The following HNRNPUL2 variants were observed in gnomAD, a reference collection of about 807,000 sequenced individuals.
HNRNPUL2 encodes heterogeneous nuclear ribonucleoprotein U like 2, also known as heterogeneous nuclear ribonucleoprotein U-like protein 2.
Under a neutral mutation model 102.2 loss-of-function variants are expected in HNRNPUL2, and 27 were observed. The observed-to-expected ratio is 0.26, with a 90% CI of 0.19 to 0.36. HNRNPUL2 has a LOEUF of 0.36. Among genes scored for constraint, HNRNPUL2 ranks in the 10% least tolerant of loss-of-function variants. The pLI is 1.00. For missense variants in HNRNPUL2, 936 were observed against 981.1 expected, an observed-to-expected ratio of 0.95 and a Z score of 0.61; for synonymous variants, 458 against 387.2, an observed-to-expected ratio of 1.18 and a Z score of -2.15.
At chr11:62,720,546 C>CAAA (rs148876571) in intron 9 of HNRNPUL2, among the ~76,000 whole-genome samples, 15 of 131,592 alleles carry the variant, frequency 1.1e-4, no homozygotes, top group South Asian at 2.4e-4. Flanking sequence ...GATTCCATCT[C>CAAA]AAAAAAAAAA....
chr11:62,724,312 C>T lies in HNRNPUL2; in HGVS notation c.653G>A (p.Arg218Gln). 10 of 1,614,202 alleles carry T rather than the reference C, an allele frequency of 6.2e-6. No individual in the cohort carries two copies. The highest frequency in any genetic ancestry group is 1.1e-5 in the South Asian group (1 of 91,082). Reference sequence around the variant, plus strand: ...TCACCGGCTGTGGTAAGCCTCCTCTCGGAATTCATAGTAAGCTCGGCCATG... The same window carrying T: ...TCACCGGCTGTGGTAAGCCTCCTCTTGGAATTCATAGTAAGCTCGGCCATG... ...DEHGRAYYEF[R>Q]EEAYHSRSKS... The change falls in exon 2 of 14, where the codon CGA becomes CAA. Residue 218 changes from arginine to glutamine, a missense_variant. Transcript: ENST00000301785.
At position 62,713,439 on chromosome 11, in the gene HNRNPUL2, T is replaced by A. The variant is rs1038045437; in HGVS notation, c.*1860A>T. 1.3e-5 allele frequency: 2 copies of A among 152,160 alleles called. No homozygotes were observed. The highest frequency in any genetic ancestry group is 2.9e-5 in the Non-Finnish European group (2 of 68,040). The allele number at this position is 152,160 out of a possible 1,614,324, so 9.4% of individuals were successfully genotyped here. On this transcript the variant is annotated 3_prime_UTR_variant, in exon 14 of 14. Coordinates refer to ENST00000301785, the MANE Select transcript of HNRNPUL2 (RefSeq NM_001079559.3). ...ACAAAGTTAATGTGTTACAGAAAAA[T>A]TCATGCAATCACTCCACTGCCACAC...
chr11:62,719,949 A>C (rs528317201), intron 10 of HNRNPUL2, 74 bp downstream of exon 10: 2 of 1,386,050 alleles, frequency 1.4e-6, no homozygotes, highest in Non-Finnish European at 2.0e-6. Context: ...GAGGGAAATA[A>C]ACCTCTATTA....
rs1174220572 is a variant in HNRNPUL2 at position 62,727,286 on chromosome 11, G to A, written c.-130C>T. On this transcript the variant is annotated 5_prime_UTR_variant, in exon 1 of 14. Transcript: ENST00000301785. ...GCCAGCACTGAGCCCGCGCGAGCGA[G>A]CGCACGCACGCAGGAGCGGAGGCCG... 4 of 1,144,722 alleles carry A rather than the reference G, an allele frequency of 3.5e-6. No individual in the cohort carries two copies. Among genetic ancestry groups the A allele is most frequent in the South Asian group, 3.8e-5 (1 of 26,214 alleles). 70.9% of individuals were successfully genotyped at this position (1,144,722 alleles called of 1,614,324 possible).
rs2083642750 is a variant in HNRNPUL2 at position 62,714,389 on chromosome 11, T to A, written c.*910A>T. ...TCTCGCACTGTAAGAGGACAGACAC[T>A]CTAACAGGGATGATTTCAGAGACCT... On this transcript the variant is annotated 3_prime_UTR_variant, in exon 14 of 14. Coordinates refer to ENST00000301785, the MANE Select transcript of HNRNPUL2 (RefSeq NM_001079559.3). 6.6e-6 allele frequency: 1 copy of A among 152,022 alleles called. No homozygotes were observed. The highest frequency in any genetic ancestry group is 2.4e-5 in the African/African-American group (1 of 41,360). The allele number at this position is 152,022 out of a possible 1,614,324, so 9.4% of individuals were successfully genotyped here. A position where few individuals can be genotyped will look rare whatever the true frequency, so the allele number is the denominator to read the frequency against.
Position 62,715,215 on chromosome 11 carries a change from G to A in HNRNPUL2, c.*84C>T. 1 of 524,592 alleles carries A rather than the reference G, an allele frequency of 1.9e-6. No individual in the cohort carries two copies. Among genetic ancestry groups the A allele is most frequent in the South Asian group, 2.7e-5 (1 of 37,548 alleles). The allele number at this position is 524,592 out of a possible 1,614,324, so 32.5% of individuals were successfully genotyped here. A position where few individuals can be genotyped will look rare whatever the true frequency, so the allele number is the denominator to read the frequency against. ...GCTCAGCCCCACCCCGACAGCCCCT[G>A]TTTTCCTTGGTTGTGTTTTGCGGGG... On this transcript the variant is annotated 3_prime_UTR_variant, in exon 14 of 14. Coordinates refer to ENST00000301785, the MANE Select transcript of HNRNPUL2 (RefSeq NM_001079559.3).
Position 62,726,912 on chromosome 11 carries a change from T to C in HNRNPUL2, c.245A>G (p.Glu82Gly). Residue 82 changes from glutamate to glycine, a missense_variant, in exon 1 of 14, where the codon GAG (glutamate) becomes GGG (glycine). Glu to Gly is a moderately conservative substitution (Grantham distance 98, BLOSUM62 -2). Coordinates refer to ENST00000301785, the MANE Select transcript of HNRNPUL2 (RefSeq NM_001079559.3). ...GGDEEEDEEE[E>G]EEDEEALLED... The stretch of plus-strand genomic sequence containing the variant: ...AAGCAGCGCCTCCTCGTCCTCCTCC[T>C]CCTCCTCTTCGTCCTCCTCCTCGTC... The C allele has an allele frequency of 6.5e-7, 1 of 1,539,596 alleles. No individual in the cohort carries two copies. The highest frequency in any genetic ancestry group is 2.5e-5 in the East Asian group (1 of 39,506).
intron 10 of HNRNPUL2, among the ~76,000 whole-genome samples, chr11:62,719,541 T>C (rs1241748126): frequency 6.6e-6 from 1 of 152,200 alleles, no homozygotes; most frequent in Non-Finnish European, 1.5e-5. Context: ...TCACGACCAT[T>C]AAGTTCCTCT....
At position 62,715,644 on chromosome 11, in the gene HNRNPUL2, G is replaced by C. The variant is rs1371141994; in HGVS notation, c.2056-37C>G. Reference sequence around the variant, plus strand: ...AAAGAAAAAGGAGTGAAGGTTTATGGGTTTTTGGCAGCATGACCCACCGTG... The same window carrying C: ...AAAGAAAAAGGAGTGAAGGTTTATGCGTTTTTGGCAGCATGACCCACCGTG... On this transcript the variant is annotated intron_variant, in intron 12 of 13. Transcript: ENST00000301785. 3.3e-6 allele frequency: 5 copies of C among 1,511,240 alleles called. No homozygotes were observed. The East Asian group carries it at 1.1e-4, about 34-fold the overall frequency. The allele number at this position is 1,511,240 out of a possible 1,614,324, so 93.6% of individuals were successfully genotyped here. A position where few individuals can be genotyped will look rare whatever the true frequency, so the allele number is the denominator to read the frequency against.
intron 1 of HNRNPUL2, among the ~76,000 whole-genome samples, chr11:62,725,705 A>C (rs1042341128): frequency 6.6e-6 from 1 of 152,200 alleles, no homozygotes; most frequent in Non-Finnish European, 1.5e-5. Flanking sequence ...TTATAGTAAG[A>C]CTTATCCTCC....
At chr11:62,720,522 T>A (rs1340276433) in intron 9 of HNRNPUL2, among the ~76,000 whole-genome samples, 2 of 128,162 alleles carry the variant, frequency 1.6e-5, no homozygotes, top group Non-Finnish European at 3.2e-5. Context: ...CCAGCCTGGG[T>A]GGCGGCTGAG....
At chr11:62,726,478 G>A (rs1317989308) in intron 1 of HNRNPUL2, 141 bp downstream of exon 1, 6 of 837,902 alleles carry the variant, frequency 7.2e-6, no homozygotes, top group Admixed American at 3.1e-5. Context: ...CAGAAAGGTG[G>A]GTAGAGAATG....
In HNRNPUL2 at chr11:62,717,143, T is replaced by A. The variant is rs775652576; in HGVS notation, c.1827A>T (p.Thr609=). The A allele has an allele frequency of 3.1e-6, 5 of 1,614,152 alleles. No individual in the cohort carries two copies. In the East Asian group the frequency reaches 1.1e-4, roughly 36 times the overall value. ...PEKCDYMDEV[T]YGELEKEEAQ... ...CTTCCTCCTTCTCCAGCTCCCCATA[T>A]GTCACCTCATCCATATAGTCGCATT... The change falls in exon 11 of 14, where the codon ACA becomes ACT. Residue 609 remains threonine (T), a synonymous_variant. Coordinates refer to ENST00000301785, the MANE Select transcript of HNRNPUL2 (RefSeq NM_001079559.3).
At position 62,723,738 on chromosome 11, in the gene HNRNPUL2, G is replaced by C. The variant is rs199602176; in HGVS notation, c.752-12C>G. ...CAGATCCGAGGTATCTGTAAAGAAA[G>C]AAGCAATCAGTTTACTCCAATGTCC... On this transcript the variant is annotated splice_polypyrimidine_tract_variant and intron_variant, in intron 3 of 13. Transcript: ENST00000301785. 9.7e-5 allele frequency: 157 copies of C among 1,614,062 alleles called. No individual in the cohort carries two copies. Among genetic ancestry groups the C allele is most frequent in the Non-Finnish European group, 1.2e-4 (144 of 1,179,980 alleles).
intron 10 of HNRNPUL2, among the ~76,000 whole-genome samples, chr11:62,719,253 C>A (rs1020530721): frequency 6.6e-6 from 1 of 152,156 alleles, no homozygotes; most frequent in Non-Finnish European, 1.5e-5. Flanking sequence ...AGTTCCAAGA[C>A]CAGCCTGGGC....
At position 62,715,317 on chromosome 11, in the gene HNRNPUL2, C is replaced by T. The variant is rs752974683; in HGVS notation, c.2226G>A (p.Gly742=). Residue 742 remains glycine (G), a synonymous_variant, in exon 14 of 14, where the codon GGG becomes GGA. Transcript: ENST00000301785. ...DRDRYYRNYY[G]YQGYR ...AGGGGCTTCACCGATACCCTTGGTA[C>T]CCGTAGTAATTCCTGTAGTATCGGT... 6 of 1,612,916 alleles carry T rather than the reference C, an allele frequency of 3.7e-6. No homozygotes were observed. In the East Asian group the frequency reaches 8.9e-5, roughly 24 times the overall value.
In HNRNPUL2 at chr11:62,724,239, T is replaced by C. The variant is rs2083726615; in HGVS notation, c.674+52A>G. 3.7e-6 allele frequency: 6 copies of C among 1,610,102 alleles called. No individual in the cohort carries two copies. The Admixed American group carries it at 6.7e-5, about 18-fold the overall frequency. ...CAGTCTCTCCAGTCAATACCAGGTA[T>C]ACCAAAATCAGAGCAGACACTCCCT... On this transcript the variant is annotated intron_variant, in intron 2 of 13. Coordinates refer to ENST00000301785, the MANE Select transcript of HNRNPUL2 (RefSeq NM_001079559.3).
At chr11:62,717,910 T>C (rs2083672381) in intron 10 of HNRNPUL2, among the ~76,000 whole-genome samples, 1 of 152,228 alleles carries the variant, frequency 6.6e-6, no homozygotes, top group Non-Finnish European at 1.5e-5. Context: ...CCAGCACATC[T>C]GCCAGTCTCT....
At position 62,727,121 on chromosome 11, in the gene HNRNPUL2, C is replaced by A; in HGVS notation, c.36G>T (p.Arg12=). ...EVKRLKVTEL[R]SELQRRGLDS... ...CCAGGCCCCGCCGCTGCAGCTCCGA[C>A]CGCAGCTCGGTCACTTTCAGCCGCT... The change falls in exon 1 of 14, where the codon CGG becomes CGT. Residue 12 remains arginine (R), a synonymous_variant. Transcript: ENST00000301785. 2 of 1,451,356 alleles carry A rather than the reference C, an allele frequency of 1.4e-6. No individual in the cohort carries two copies. The highest frequency in any genetic ancestry group is 1.8e-6 in the Non-Finnish European group (2 of 1,105,130). 89.9% of individuals were successfully genotyped at this position (1,451,356 alleles called of 1,614,324 possible).
Sources: allele counts gnomAD v4.1 joint callset (sites outside exome capture counted in the v4.1 genomes callset), GRCh38; gene constraint gnomAD v4.1.1; transcripts MANE v1.5; gene names NCBI Gene and HGNC (gene_info 2026-07-23, HGNC 2026-07-21).